GLG1: variants seen among roughly 807,000 people sequenced by gnomAD.
GLG1 encodes the protein Golgi apparatus protein 1.
A neutral mutation model predicts 160.5 loss-of-function variants in GLG1; 38 were observed. The observed-to-expected ratio is 0.24, with a 90% CI of 0.18 to 0.31. GLG1 has a LOEUF of 0.31. Ranked by LOEUF, GLG1 falls within the 10% of genes least tolerant of loss-of-function variation. The probability of loss-of-function intolerance (pLI) is 1.00; values close to 1 mark genes in which losing one functional copy is unlikely to be tolerated. For synonymous variants in GLG1, 644 were observed against 543.4 expected (o/e 1.19, Z -2.57); for missense variants, 1,373 against 1,505.2 (o/e 0.91, Z 1.45).
At chr16:74,491,996 T>C (rs562824983) in intron 7 of GLG1, among the ~76,000 whole-genome samples, 1 of 151,938 alleles carries the variant, frequency 6.6e-6, no homozygotes, top group South Asian at 2.1e-4. Context: ...AGACGGTTTG[T>C]TTAGTGATAA....
At chr16:74,604,395 CGGTATAA>C (rs1269523685) in intron 1 of GLG1, among the ~76,000 whole-genome samples, 1 of 152,158 alleles carries the variant, frequency 6.6e-6, no homozygotes, top group Non-Finnish European at 1.5e-5. Flanking sequence ...CCATTTTATA[CGGTATAA>C]GGTACTTGAG....
intron 1 of GLG1, among the ~76,000 whole-genome samples, chr16:74,596,229 GA>G (rs200954125): frequency 6.6e-6 from 1 of 150,544 alleles, no homozygotes; most frequent in African/African-American, 2.4e-5. Flanking sequence ...CTCAAAAAAA[GA>G]AAAAAAATTT....
Position 74,454,295 on chromosome 16 carries a change from T to A in GLG1, c.3373-961A>T, listed in dbSNP as rs950109982. 2.6e-5 allele frequency among the ~76,000 whole-genome samples: 4 copies of A among 152,034 alleles called. No homozygotes were observed. The East Asian group carries it at 7.8e-4, about 30-fold the overall frequency. Reference sequence around the variant, plus strand: ...ATCACAGCTCACTACAACCTCAAACTCCTGAGCTCAAGGGATCCTCCTACC... The same window carrying A: ...ATCACAGCTCACTACAACCTCAAACACCTGAGCTCAAGGGATCCTCCTACC... On this transcript the variant is annotated intron_variant, in intron 25 of 25. Coordinates refer to ENST00000422840, the MANE Select transcript of GLG1 (RefSeq NM_001145667.2).
At chr16:74,567,519 C>G (rs1306274437) in intron 1 of GLG1, among the ~76,000 whole-genome samples, 1 of 150,540 alleles carries the variant, frequency 6.6e-6, no homozygotes, top group Admixed American at 6.6e-5. Flanking sequence ...ATCACTGCTT[C>G]CTGTGCTGAA....
intron 1 of GLG1, among the ~76,000 whole-genome samples, chr16:74,551,125 A>C (rs1315379785): frequency 1.3e-5 from 2 of 152,306 alleles, no homozygotes; most frequent in East Asian, 3.9e-4. Flanking sequence ...TACTAATCTC[A>C]GGAAAGCAAT....
intron 1 of GLG1, among the ~76,000 whole-genome samples, chr16:74,559,601 G>C (rs535115902): frequency 6.6e-6 from 1 of 152,046 alleles, no homozygotes; most frequent in Non-Finnish European, 1.5e-5. Flanking sequence ...ATTTTAGAGA[G>C]TGAAATATGC....
chr16:74,468,909 A>C (rs1297871271), intron 17 of GLG1, 37 bp downstream of exon 17: 1 of 1,269,234 alleles, frequency 7.9e-7, no homozygotes, highest in African/African-American at 1.5e-5. Context: ...GCCCTGGCCC[A>C]CTGTGGTTTC....
intron 1 of GLG1, among the ~76,000 whole-genome samples, chr16:74,567,122 G>A (rs1347927342): frequency 1.3e-5 from 2 of 151,696 alleles, no homozygotes; most frequent in African/African-American, 4.8e-5. Flanking sequence ...TTTTCTATAG[G>A]AGAAAATCTT....
chr16:74,570,296 G>A (rs908398906), intron 1 of GLG1, among the ~76,000 whole-genome samples: 4 of 151,986 alleles, frequency 2.6e-5, no homozygotes, highest in Admixed American at 2.0e-4. Flanking sequence ...CCAGCTATTT[G>A]TCTCTCTACT....
At chr16:74,596,709 CA>C (rs1422980570) in intron 1 of GLG1, among the ~76,000 whole-genome samples, 3 of 152,278 alleles carry the variant, frequency 2.0e-5, no homozygotes, top group South Asian at 2.1e-4. Context: ...GCTTTAGGGA[CA>C]GGGGGGAAAA....
At chr16:74,596,483 C>A (rs372593126) in intron 1 of GLG1, among the ~76,000 whole-genome samples, 4 of 152,064 alleles carry the variant, frequency 2.6e-5, no homozygotes, top group Non-Finnish European at 4.4e-5. Flanking sequence ...GAGCCAAGAT[C>A]GTGCCATTGC....
At chr16:74,488,801 T>C (rs1263949105) in intron 8 of GLG1, among the ~76,000 whole-genome samples, 1 of 152,026 alleles carries the variant, frequency 6.6e-6, no homozygotes, top group Admixed American at 6.6e-5. Context: ...GTATTTTTCA[T>C]AGAGACTGAG....
chr16:74,474,770 A>G, intron 12 of GLG1, 138 bp from the exon 13 acceptor site: 1 of 662,046 alleles, frequency 1.5e-6, no homozygotes, highest in Non-Finnish European at 2.7e-6. Flanking sequence ...ACTGAACAGG[A>G]CACAAAAGCT....
intron 1 of GLG1, among the ~76,000 whole-genome samples, chr16:74,584,692 G>A (rs1958008536): frequency 6.6e-6 from 1 of 152,134 alleles, no homozygotes; most frequent in Non-Finnish European, 1.5e-5. Flanking sequence ...GCTGAGGCGG[G>A]TGGTCACAAG....
At chr16:74,471,135 C>A in intron 15 of GLG1, 38 bp downstream of exon 15, 2 of 1,013,444 alleles carry the variant, frequency 2.0e-6, no homozygotes, top group Non-Finnish European at 3.2e-6. Context: ...AACATCCAGG[C>A]AGCTATGATG....
rs1303111513 is a variant in GLG1 at position 74,560,111 on chromosome 16, T to C, written c.439-27958A>G. 2.6e-5 allele frequency among the ~76,000 whole-genome samples: 4 copies of C among 152,202 alleles called. No individual in the cohort carries two copies. In the East Asian group the frequency reaches 7.7e-4, roughly 29 times the overall value. On this transcript the variant is annotated intron_variant, in intron 1 of 25. Transcript: ENST00000422840. ...GGGCCACACGCGTTTCGCCAAACATTGTTCTGGGTGGGTCTACGGTGCTGT... is the reference window on the plus strand; with the variant it reads ...GGGCCACACGCGTTTCGCCAAACATCGTTCTGGGTGGGTCTACGGTGCTGT...
intron 24 of GLG1, 136 bp from the exon 25 acceptor site, chr16:74,456,891 G>A (rs12446054): frequency 0.3 from 191,100 of 640,992 alleles, 29,722 homozygotes; most frequent in Middle Eastern, 0.32. Flanking sequence ...TACATACTAG[G>A]AAACTTGATC....
chr16:74,539,620 T>G, intron 1 of GLG1, among the ~76,000 whole-genome samples: 1 of 151,820 alleles, frequency 6.6e-6, no homozygotes, highest in Admixed American at 6.6e-5. Flanking sequence ...TTAAGTCATC[T>G]TCAGTGAGGT....
chr16:74,485,131 T>G (rs1416943967), intron 9 of GLG1, among the ~76,000 whole-genome samples: 1 of 152,180 alleles, frequency 6.6e-6, no homozygotes, highest in Non-Finnish European at 1.5e-5. Flanking sequence ...GGTTTCAAAC[T>G]CGTAGCTTCA....
Sources: gnomAD v4.1 joint callset for allele counts (sites outside exome capture counted in the v4.1 genomes callset) on GRCh38, gnomAD v4.1.1 for gene constraint, MANE v1.5 for transcripts, NCBI Gene and HGNC (gene_info 2026-07-23, HGNC 2026-07-21) for gene names.